IQCM: variants seen among roughly 807,000 people sequenced by gnomAD.
IQCM encodes IQ motif containing M.
Under a neutral mutation model 57.6 loss-of-function variants are expected in IQCM, and 45 were observed. That is an observed-to-expected ratio of 0.78 (90% CI 0.62 to 1.00). IQCM has a LOEUF of 1.00. Ranked by LOEUF, IQCM falls within the 50% of genes least tolerant of loss-of-function variation. The pLI, the probability that IQCM is intolerant of heterozygous loss-of-function variation, is 0.00. For missense variants in IQCM, 468 were observed against 511.6 expected, an observed-to-expected ratio of 0.91 and a Z score of 0.82; for synonymous variants, 148 against 158.9, an observed-to-expected ratio of 0.93 and a Z score of 0.51.
At chr4:149,489,777 G>A (rs1213040140) in intron 12 of IQCM, among the ~76,000 whole-genome samples, 2 of 151,064 alleles carry the variant, frequency 1.3e-5, no homozygotes, top group African/African-American at 4.9e-5. Context: ...ATGTGTGTGT[G>A]TATATATATA....
intron 13 of IQCM, among the ~76,000 whole-genome samples, chr4:149,352,455 G>T (rs1032223553): frequency 2.0e-5 from 3 of 152,190 alleles, no homozygotes; most frequent in Admixed American, 2.0e-4. Context: ...GTACTATGTT[G>T]AATCCACATG....
intron 5 of IQCM, among the ~76,000 whole-genome samples, chr4:149,686,856 T>A (rs940109128): frequency 6.6e-6 from 1 of 151,480 alleles, no homozygotes; most frequent in Non-Finnish European, 1.5e-5. Context: ...TATTTTAAAA[T>A]AATTTGGCAA....
chr4:149,755,396 T>G (rs1307770282), intron 2 of IQCM, among the ~76,000 whole-genome samples: 1 of 152,044 alleles, frequency 6.6e-6, no homozygotes, highest in Non-Finnish European at 1.5e-5. Flanking sequence ...CCTCAATCCC[T>G]CTCCTGGAGC....
intron 2 of IQCM, among the ~76,000 whole-genome samples, chr4:149,764,463 C>A (rs1033631801): frequency 6.6e-6 from 1 of 152,082 alleles, no homozygotes; most frequent in Non-Finnish European, 1.5e-5. Flanking sequence ...TGTGCAGCTC[C>A]CTGCTCACCT....
At chr4:149,543,412 T>C (rs1479320597) in intron 12 of IQCM, among the ~76,000 whole-genome samples, 1 of 151,952 alleles carries the variant, frequency 6.6e-6, no homozygotes, top group East Asian at 1.9e-4. Flanking sequence ...CCTGTGTCCA[T>C]GTGTTCTCAT....
chr4:149,607,853 T>C (rs1754929913), intron 8 of IQCM, among the ~76,000 whole-genome samples: 2 of 151,202 alleles, frequency 1.3e-5, no homozygotes, highest in Admixed American at 1.3e-4. Flanking sequence ...GGAAGATGGA[T>C]GGAAGGAAGG....
chr4:149,482,737 T>C (rs2149756163), intron 12 of IQCM, among the ~76,000 whole-genome samples: 1 of 151,880 alleles, frequency 6.6e-6, no homozygotes. Flanking sequence ...CCTGAAGTTT[T>C]CTTTTTTTTT....
At chr4:149,457,285 A>G (rs913739586) in intron 12 of IQCM, among the ~76,000 whole-genome samples, 1 of 152,114 alleles carries the variant, frequency 6.6e-6, no homozygotes, top group Admixed American at 6.6e-5. Context: ...AAACAGATGT[A>G]CACAGGCCCT....
In IQCM at chr4:149,386,559, C is replaced by T. The variant is rs193203897; in HGVS notation, c.1391-34493G>A. Among the ~76,000 whole-genome samples the T allele has an allele frequency of 3.9e-5, 6 of 151,982 alleles. No homozygotes were observed. The East Asian group carries it at 9.7e-4, about 25-fold the overall frequency. On this transcript the variant is annotated intron_variant, in intron 13 of 13. Coordinates refer to ENST00000636793, the MANE Select transcript of IQCM (RefSeq NM_001363507.2). ...ATAACTAACATAAATAGCAAGAATT[C>T]CTTTGTATTATCTGATATGAAAGCC... is the stretch of plus-strand genomic sequence containing the variant.
intron 5 of IQCM, among the ~76,000 whole-genome samples, chr4:149,731,066 T>C (rs537538400): frequency 1.3e-5 from 2 of 152,284 alleles, no homozygotes; most frequent in East Asian, 3.9e-4. Flanking sequence ...ACTGAATTCG[T>C]TATTTTCCCC....
At chr4:149,553,397 A>G in intron 10 of IQCM, 110 bp from the exon 11 acceptor site, 2 of 864,202 alleles carry the variant, frequency 2.3e-6, no homozygotes, top group Non-Finnish European at 3.1e-6. Context: ...GGGTGTATTT[A>G]TTGTTTATTG....
chr4:149,703,661 G>A (rs536185067), intron 5 of IQCM, among the ~76,000 whole-genome samples: 1 of 151,844 alleles, frequency 6.6e-6, no homozygotes, highest in African/African-American at 2.4e-5. Flanking sequence ...AAAATACATG[G>A]TCTGAGCCAT....
At chr4:149,645,521 C>T (rs536053367) in intron 7 of IQCM, among the ~76,000 whole-genome samples, 31 of 152,290 alleles carry the variant, frequency 2.0e-4, no homozygotes, top group African/African-American at 6.7e-4. Context: ...TTCAAGCAAT[C>T]CAGGAGCCCC....
chr4:149,451,977 C>A (rs976755791), intron 12 of IQCM, among the ~76,000 whole-genome samples: 1 of 151,660 alleles, frequency 6.6e-6, no homozygotes, highest in African/African-American at 2.4e-5. Flanking sequence ...CCTATAAAAT[C>A]TACAAAAGCT....
chr4:149,466,495 T>G (rs771798676), intron 12 of IQCM, among the ~76,000 whole-genome samples: 1 of 152,112 alleles, frequency 6.6e-6, no homozygotes, highest in Non-Finnish European at 1.5e-5. Context: ...TATTAAAAAG[T>G]CTCCTAGGAT....
chr4:149,726,049 C>T (rs1378567955), intron 5 of IQCM, among the ~76,000 whole-genome samples: 1 of 134,694 alleles, frequency 7.4e-6, no homozygotes, highest in Non-Finnish European at 1.5e-5. Flanking sequence ...AGTGACACTT[C>T]CCAACCATTT....
At chr4:149,423,677 T>C (rs79023631) in intron 13 of IQCM, among the ~76,000 whole-genome samples, 3,485 of 152,106 alleles carry the variant, frequency 0.023, 119 homozygotes, top group African/African-American at 0.078. Flanking sequence ...TCTTTTATTG[T>C]GGTTAATTAT....
intron 12 of IQCM, among the ~76,000 whole-genome samples, chr4:149,531,358 T>C (rs1579386564): frequency 6.6e-6 from 1 of 152,288 alleles, no homozygotes; most frequent in African/African-American, 2.4e-5. Flanking sequence ...GAAGATATTT[T>C]TCTCTATTTT....
At chr4:149,510,196 A>G (rs1325513494) in intron 12 of IQCM, among the ~76,000 whole-genome samples, 5 of 152,138 alleles carry the variant, frequency 3.3e-5, no homozygotes, top group Non-Finnish European at 7.4e-5. Context: ...AAAAGCGATT[A>G]TCTCATTGTT....
Sources: gnomAD v4.1 joint callset for allele counts (sites outside exome capture counted in the v4.1 genomes callset) on GRCh38, gnomAD v4.1.1 for gene constraint, MANE v1.5 for transcripts, NCBI Gene and HGNC (gene_info 2026-07-23, HGNC 2026-07-21) for gene names.